DPYD: variants seen among roughly 807,000 people sequenced by gnomAD.
The protein encoded by DPYD is dihydropyrimidine dehydrogenase [NADP(+)].
A neutral mutation model predicts 116.2 loss-of-function variants in DPYD; 109 were observed. The ratio of observed to expected loss-of-function variants is 0.94; its 90% CI spans 0.80 to 1.10. The LOEUF (loss-of-function observed/expected upper bound fraction) is 1.10. Ranked by LOEUF, DPYD falls within the 50% of genes least tolerant of loss-of-function variation. The probability of loss-of-function intolerance (pLI) is 0.00; values close to 1 mark genes in which losing one functional copy is unlikely to be tolerated. For missense variants in DPYD, 1,302 were observed against 1,254.5 expected, an observed-to-expected ratio of 1.04 and a Z score of -0.57; for synonymous variants, 440 against 432.0, an observed-to-expected ratio of 1.02 and a Z score of -0.23.
intron 3 of DPYD, among the ~76,000 whole-genome samples, 194 bp downstream of exon 3, chr1:97,827,920 C>T (rs941732819): frequency 6.6e-6 from 1 of 152,152 alleles, no homozygotes; most frequent in African/African-American, 2.4e-5. Context: ...ACATTTTTTA[C>T]TGTGCACTGA....
chr1:97,126,069 C>T (rs1336312570), intron 20 of DPYD, among the ~76,000 whole-genome samples: 1 of 152,050 alleles, frequency 6.6e-6, no homozygotes, highest in African/African-American at 2.4e-5. Context: ...CAATGATAAA[C>T]TTCAGCCATG....
chr1:97,706,759 T>A (rs1661979826), intron 5 of DPYD, among the ~76,000 whole-genome samples: 1 of 152,138 alleles, frequency 6.6e-6, no homozygotes, highest in South Asian at 2.1e-4. Flanking sequence ...TATTTATGCA[T>A]CCACTTACTG....
chr1:97,818,626 AT>A (rs904205603), intron 3 of DPYD, among the ~76,000 whole-genome samples: 1 of 152,040 alleles, frequency 6.6e-6, no homozygotes, highest in Non-Finnish European at 1.5e-5. Context: ...CCCCAATTAA[AT>A]TATATTTGGG....
intron 20 of DPYD, among the ~76,000 whole-genome samples, chr1:97,185,484 G>T (rs1657932125): frequency 6.6e-6 from 1 of 152,064 alleles, no homozygotes; most frequent in African/African-American, 2.4e-5. Flanking sequence ...CTATGTACTA[G>T]CCAAGAGAAA....
chr1:97,846,948 T>C (rs969736361), intron 2 of DPYD, among the ~76,000 whole-genome samples: 1 of 152,194 alleles, frequency 6.6e-6, no homozygotes, highest in African/African-American at 2.4e-5. Flanking sequence ...ACTTTTCAGT[T>C]GTGAAATTCA....
chr1:97,831,536 T>C (rs890538510), intron 2 of DPYD, among the ~76,000 whole-genome samples: 1 of 152,108 alleles, frequency 6.6e-6, no homozygotes, highest in Non-Finnish European at 1.5e-5. Flanking sequence ...CAGAATACGA[T>C]TTCAGTGGTA....
chr1:97,308,955 TC>T (rs1390249328), intron 16 of DPYD, among the ~76,000 whole-genome samples: 1 of 151,840 alleles, frequency 6.6e-6, no homozygotes, highest in Non-Finnish European at 1.5e-5. Context: ...CTGCTCTATT[TC>T]TGGGCACTAA....
At chr1:97,497,079 C>T (rs1679307465) in intron 13 of DPYD, among the ~76,000 whole-genome samples, 1 of 151,766 alleles carries the variant, frequency 6.6e-6, no homozygotes, top group South Asian at 2.1e-4. Flanking sequence ...ACAGTCTGTG[C>T]TATTATATCT....
chr1:97,382,179 G>C (rs1316317906), intron 15 of DPYD, among the ~76,000 whole-genome samples: 2 of 152,082 alleles, frequency 1.3e-5, no homozygotes, highest in Non-Finnish European at 2.9e-5. Flanking sequence ...TGAAATCCAA[G>C]GGACCGCTTT....
At chr1:97,905,162 C>T (rs753562957) in intron 1 of DPYD, among the ~76,000 whole-genome samples, 28 of 152,002 alleles carry the variant, frequency 1.8e-4, no homozygotes, top group Admixed American at 7.9e-4. Flanking sequence ...GTTTTGAACA[C>T]TGTAGTGCAA....
At chr1:97,398,888 C>G (rs1243001791) in intron 14 of DPYD, among the ~76,000 whole-genome samples, 5 of 152,080 alleles carry the variant, frequency 3.3e-5, no homozygotes, top group Non-Finnish European at 7.4e-5. Flanking sequence ...TTCTCCCATT[C>G]TGTAGGTTGC....
At chr1:97,866,077 T>C (rs1238716028) in intron 2 of DPYD, among the ~76,000 whole-genome samples, 2 of 151,986 alleles carry the variant, frequency 1.3e-5, no homozygotes, top group African/African-American at 4.8e-5. Context: ...TGCATGCAGT[T>C]ACATGGCCAC....
At chr1:97,415,938 TTTTATTTTCTCGTATATA>T (rs1674266637) in intron 14 of DPYD, among the ~76,000 whole-genome samples, 1 of 152,190 alleles carries the variant, frequency 6.6e-6, no homozygotes. Flanking sequence ...TTCTTATAAG[TTTTATTTTCTCGTATATA>T]ATGTCTTATA....
Position 97,077,996 on chromosome 1 carries a change from A to T in DPYD, c.*980T>A, listed in dbSNP as rs893063528. The T allele has an allele frequency of 6.6e-6, 1 of 152,168 alleles. No individual in the cohort carries two copies. Among genetic ancestry groups the T allele is most frequent in the Non-Finnish European group, 1.5e-5 (1 of 68,026 alleles). The allele number at this position is 152,168 out of a possible 1,614,324, so 9.4% of individuals were successfully genotyped here. On this transcript the variant is annotated 3_prime_UTR_variant, in exon 23 of 23. Coordinates refer to ENST00000370192, the MANE Select transcript of DPYD (RefSeq NM_000110.4). ...GAAAATAGAGAAATACAAAAATATTATCTAATAATAACAAAAAATATATTT... is the reference window on the plus strand; with the variant it reads ...GAAAATAGAGAAATACAAAAATATTTTCTAATAATAACAAAAAATATATTT...
intron 8 of DPYD, among the ~76,000 whole-genome samples, chr1:97,606,974 C>G (rs564541437): frequency 6.6e-6 from 1 of 151,920 alleles, no homozygotes; most frequent in Non-Finnish European, 1.5e-5. Context: ...TTATAGTGTT[C>G]ATATTACGAC....
intron 8 of DPYD, among the ~76,000 whole-genome samples, chr1:97,636,044 C>T (rs1395146357): frequency 1.3e-5 from 2 of 152,062 alleles, no homozygotes; most frequent in African/African-American, 4.8e-5. Flanking sequence ...TGGTCTCGAA[C>T]TCCTGGACTC....
intron 8 of DPYD, 59 bp from the exon 9 acceptor site, chr1:97,595,225 A>G (rs1654796921): frequency 2.2e-6 from 3 of 1,381,632 alleles, no homozygotes; most frequent in Non-Finnish European, 3.1e-6. Flanking sequence ...CCTATTAGAT[A>G]TTAAAACAAA....
chr1:97,372,829 C>T (rs142067793), intron 16 of DPYD, among the ~76,000 whole-genome samples: 3 of 152,014 alleles, frequency 2.0e-5, no homozygotes, highest in African/African-American at 2.4e-5. Flanking sequence ...CTAGACAATC[C>T]GTCAGAAATT....
intron 8 of DPYD, among the ~76,000 whole-genome samples, chr1:97,639,750 T>C (rs1657776138): frequency 6.6e-6 from 1 of 152,176 alleles, no homozygotes; most frequent in Non-Finnish European, 1.5e-5. Context: ...AATAAGATTT[T>C]CAGATAAAAC....
Sources: gnomAD v4.1 joint callset for allele counts (sites outside exome capture counted in the v4.1 genomes callset) on GRCh38, gnomAD v4.1.1 for gene constraint, MANE v1.5 for transcripts, NCBI Gene and HGNC (gene_info 2026-07-23, HGNC 2026-07-21) for gene names.